Variants in GIMAP2 observed in about 807,000 individuals in gnomAD.
GIMAP2 encodes the protein GTPase, IMAP family member 2.
In GIMAP2, 22 loss-of-function variants were observed where a neutral mutation model predicts 25.5. That is an observed-to-expected ratio of 0.86 (90% confidence interval 0.62 to 1.23). The LOEUF (loss-of-function observed/expected upper bound fraction) is 1.23. Among genes scored for constraint, GIMAP2 ranks in the 50% most tolerant of loss-of-function variants. The pLI is 0.00. For missense variants in GIMAP2, 422 were observed against 395.7 expected, an observed-to-expected ratio of 1.07 and a Z score of -0.56; for synonymous variants, 167 against 143.0, an observed-to-expected ratio of 1.17 and a Z score of -1.20.
intron 2 of GIMAP2, among the ~76,000 whole-genome samples, chr7:150,688,997 C>T (rs958158559): frequency 3.3e-5 from 5 of 152,222 alleles, no homozygotes; most frequent in African/African-American, 1.2e-4. Flanking sequence ...CTCATCAAGG[C>T]AGCTGTGCCT....
In GIMAP2 at chr7:150,693,291, T is replaced by A; in HGVS notation, c.1005T>A (p.Pro335=). ...RTVIRLERKT[P]RL is the part of the protein sequence containing the mutation. ...TTATTAGACTAGAACGCAAGACTCC[T>A]AGGTTATAGTTACAGATCCCAGTTA... The change falls in exon 3 of 3, where the codon CCT becomes CCA. Residue 335 remains proline (P), a synonymous_variant. Transcript: ENST00000223293. 2 of 1,550,398 alleles carry A rather than the reference T, an allele frequency of 1.3e-6. No homozygotes were observed. The highest frequency in any genetic ancestry group is 1.7e-6 in the Non-Finnish European group (2 of 1,153,562).
At chr7:150,687,273 T>G (rs1796915138) in intron 2 of GIMAP2, 186 bp downstream of exon 2, 1 of 573,556 alleles carries the variant, frequency 1.7e-6, no homozygotes, top group South Asian at 2.4e-5. Flanking sequence ...TTTGTTTGTT[T>G]GTTTGTTTGT....
chr7:150,688,542 C>T (rs926766775), intron 2 of GIMAP2, among the ~76,000 whole-genome samples: 1 of 152,278 alleles, frequency 6.6e-6, no homozygotes. Flanking sequence ...TTGTACTGTT[C>T]GGTGCCGTCT....
At chr7:150,691,910 G>A (rs1467616136) in intron 2 of GIMAP2, among the ~76,000 whole-genome samples, 1 of 152,096 alleles carries the variant, frequency 6.6e-6, no homozygotes, top group African/African-American at 2.4e-5. Flanking sequence ...TTTACATAAC[G>A]GGGAATACCT....
At chr7:150,691,373 C>G (rs892837944) in intron 2 of GIMAP2, among the ~76,000 whole-genome samples, 2 of 152,142 alleles carry the variant, frequency 1.3e-5, no homozygotes, top group African/African-American at 4.8e-5. Context: ...ACCTCTGTCC[C>G]CATTCACTCC....
chr7:150,686,042 G>A (rs1213233233), intron 1 of GIMAP2, among the ~76,000 whole-genome samples: 1 of 152,152 alleles, frequency 6.6e-6, no homozygotes, highest in African/African-American at 2.4e-5. Flanking sequence ...ATTAATCGGT[G>A]GCTTTCAGTT....
In GIMAP2 at chr7:150,692,647, C is replaced by A; in HGVS notation, c.361C>A (p.Gln121Lys). Residue 121 changes from glutamine (Q) to lysine (K), a missense_variant, in exon 3 of 3, where the codon CAG becomes AAG. By Grantham distance (53) the Gln-to-Lys change is moderately conservative. Coordinates refer to ENST00000223293, the MANE Select transcript of GIMAP2 (RefSeq NM_015660.3). ...LVTQLGRYTS[Q>K]DQQAAQRVKE... ...GACTCAGCTGGGCCGCTATACCTCACAGGACCAGCAGGCTGCACAGAGGGT... is the reference window on the plus strand; with the variant it reads ...GACTCAGCTGGGCCGCTATACCTCAAAGGACCAGCAGGCTGCACAGAGGGT... 6.2e-7 allele frequency: 1 copy of A among 1,614,228 alleles called. No individual in the cohort carries two copies. The highest frequency in any genetic ancestry group is 1.3e-5 in the African/African-American group (1 of 75,052).
rs998245586 is a variant in GIMAP2, at chr7:150,687,209, C to A, written c.28+122C>A. The A allele has an allele frequency of 1.7e-5, 14 of 814,496 alleles. No homozygotes were observed. The African/African-American group carries it at 2.1e-4, about 12-fold the overall frequency. 50.5% of individuals were successfully genotyped at this position (814,496 alleles called of 1,614,324 possible). A position where few individuals can be genotyped will look rare whatever the true frequency, so the allele number is the denominator to read the frequency against. On this transcript the variant is annotated intron_variant, in intron 2 of 2. Transcript: ENST00000223293. ...ATAAACAAGGGTGAAGGATCTTATT[C>A]TAACTCCCACAGCTACCACCACCAG...
At chr7:150,692,035 G>A (rs1173364280) in intron 2 of GIMAP2, among the ~76,000 whole-genome samples, 1 of 150,444 alleles carries the variant, frequency 6.6e-6, no homozygotes, top group African/African-American at 2.4e-5. Context: ...CGATACCACG[G>A]TGAAACCCTG....
chr7:150,689,507 G>A (rs529673399), intron 2 of GIMAP2: 28 of 703,068 alleles, frequency 4.0e-5, no homozygotes, highest in African/African-American at 3.0e-4. Context: ...AAGGTTAAAC[G>A]TGCAATTTGG....
intron 2 of GIMAP2, chr7:150,689,543 G>A: frequency 1.4e-6 from 1 of 703,038 alleles, no homozygotes; most frequent in Non-Finnish European, 2.6e-6. Context: ...CTCCAGCGCG[G>A]TGTATCAGGA....
chr7:150,686,693 C>T lies in GIMAP2; in HGVS notation c.-8-359C>T, dbSNP rs148222074. Among the ~76,000 whole-genome samples the T allele has an allele frequency of 5.3e-3, 809 of 151,840 alleles. 8 individuals are homozygous for T. Among genetic ancestry groups the T allele is most frequent in the East Asian group, 0.026 (134 of 5,172 alleles). On this transcript the variant is annotated intron_variant, in intron 1 of 2. Coordinates refer to ENST00000223293, the MANE Select transcript of GIMAP2 (RefSeq NM_015660.3). ...GTGTGATGGCTCACGCTTTTAATTC[C>T]AGAACTTTGGGAGGCCGAGGCTGGT...
At chr7:150,690,635 A>G (rs928626864) in intron 2 of GIMAP2, among the ~76,000 whole-genome samples, 2 of 152,350 alleles carry the variant, frequency 1.3e-5, no homozygotes, top group Admixed American at 1.3e-4. Flanking sequence ...TACTTCATCT[A>G]TAAGGAGGTT....
At chr7:150,687,441 T>A in intron 2 of GIMAP2, 1 of 192,802 alleles carries the variant, frequency 5.2e-6, no homozygotes. Flanking sequence ...CCCAGCTAAT[T>A]TTTTTTTGTA....
At chr7:150,687,987 C>A (rs1446753370) in intron 2 of GIMAP2, among the ~76,000 whole-genome samples, 2 of 152,200 alleles carry the variant, frequency 1.3e-5, no homozygotes, top group South Asian at 4.1e-4. Context: ...TCAACCCTCA[C>A]CTGTGAGAAA....
At chr7:150,687,128 G>A (rs751665494) in intron 2 of GIMAP2, 41 bp downstream of exon 2, 3 of 1,158,614 alleles carry the variant, frequency 2.6e-6, no homozygotes, top group Non-Finnish European at 3.7e-6. Flanking sequence ...GTGTGTGTGT[G>A]TGTGTGTGTG....
intron 2 of GIMAP2, among the ~76,000 whole-genome samples, chr7:150,688,483 A>G (rs1328146754): frequency 6.6e-6 from 1 of 152,174 alleles, no homozygotes; most frequent in Non-Finnish European, 1.5e-5. Context: ...TGATTAATAG[A>G]GACTAGAAGA....
intron 2 of GIMAP2, among the ~76,000 whole-genome samples, chr7:150,688,937 T>C (rs1374093698): frequency 2.0e-5 from 3 of 152,224 alleles, no homozygotes; most frequent in Non-Finnish European, 4.4e-5. Context: ...CCTGGCTTCC[T>C]CTTGTAATTG....
Position 150,692,613 on chromosome 7 carries a change from G to A in GIMAP2, c.327G>A (p.Leu109=). The A allele has an allele frequency of 1.2e-6, 2 of 1,614,132 alleles. No individual in the cohort carries two copies. Among genetic ancestry groups the A allele is most frequent in the South Asian group, 2.2e-5 (2 of 91,068 alleles). Residue 109 remains leucine, a synonymous_variant, in exon 3 of 3, where the codon CTG becomes CTA. Coordinates refer to ENST00000223293, the MANE Select transcript of GIMAP2 (RefSeq NM_015660.3). The stretch of plus-strand genomic sequence containing the variant: ...TGTCTGCACCAGGACCCCATGTGCT[G>A]CTCCTGGTGACTCAGCTGGGCCGCT... ...YLLSAPGPHV[L]LLVTQLGRYT...
Sources: allele counts gnomAD v4.1 joint callset (sites outside exome capture counted in the v4.1 genomes callset), GRCh38; gene constraint gnomAD v4.1.1; transcripts MANE v1.5; gene names NCBI Gene and HGNC (gene_info 2026-07-23, HGNC 2026-07-21).